The following PPP2R2C variants were observed in gnomAD, a reference collection of about 807,000 sequenced individuals.
PPP2R2C encodes the protein protein phosphatase 2 regulatory subunit Bgamma, also known as protein phosphatase 2, regulatory subunit B, gamma.
PPP2R2C carries 10 observed loss-of-function variants against 45.3 expected under a neutral mutation model. That is an observed-to-expected ratio of 0.22 (90% CI 0.14 to 0.37). PPP2R2C has a LOEUF of 0.37. PPP2R2C is among the 10% of genes least tolerant of loss of function. The probability of loss-of-function intolerance (pLI) is 1.00; values close to 1 mark genes in which losing one functional copy is unlikely to be tolerated. For missense variants in PPP2R2C, 308 were observed against 619.7 expected (o/e 0.50, Z 5.34); for synonymous variants, 257 against 245.4 (o/e 1.05, Z -0.44).
At chr4:6,410,208 T>C (rs771855791) in intron 1 of PPP2R2C, among the ~76,000 whole-genome samples, 2 of 152,202 alleles carry the variant, frequency 1.3e-5, no homozygotes, top group Non-Finnish European at 2.9e-5. Flanking sequence ...GCTGTGATTA[T>C]ACCAGGCTCG....
intron 1 of PPP2R2C, among the ~76,000 whole-genome samples, chr4:6,403,011 C>T (rs1168257187): frequency 6.6e-6 from 1 of 152,212 alleles, no homozygotes; most frequent in Non-Finnish European, 1.5e-5. Flanking sequence ...CTCACACCTT[C>T]AAAGATCAGC....
intron 1 of PPP2R2C, among the ~76,000 whole-genome samples, chr4:6,454,139 G>T (rs1027425441): frequency 6.6e-6 from 1 of 152,186 alleles, no homozygotes; most frequent in Non-Finnish European, 1.5e-5. Context: ...CAGGAGCGGG[G>T]CAGTGGCTCC....
intron 4 of PPP2R2C, among the ~76,000 whole-genome samples, chr4:6,373,050 G>T (rs1046620049): frequency 1.3e-5 from 2 of 152,214 alleles, no homozygotes; most frequent in Non-Finnish European, 2.9e-5. Flanking sequence ...CTGTCACTGG[G>T]AAACAGCTGT....
intron 1 of PPP2R2C, among the ~76,000 whole-genome samples, chr4:6,425,495 C>A (rs939387097): frequency 6.6e-6 from 1 of 152,218 alleles, no homozygotes; most frequent in Non-Finnish European, 1.5e-5. Context: ...GTGTCCCCAC[C>A]AGCACGAGCT....
intron 1 of PPP2R2C, among the ~76,000 whole-genome samples, chr4:6,451,789 C>T (rs1028113634): frequency 6.6e-6 from 1 of 152,064 alleles, no homozygotes; most frequent in African/African-American, 2.4e-5. Context: ...TGTCTGGGGC[C>T]CAATAAATGA....
chr4:6,472,037 G>T, intron 1 of PPP2R2C, 123 bp downstream of exon 1: 1 of 1,194,044 alleles, frequency 8.4e-7, no homozygotes, highest in Non-Finnish European at 1.2e-6. Context: ...GGATGGGGTG[G>T]GGTGGGGTGG....
At chr4:6,410,884 T>A (rs887915158) in intron 1 of PPP2R2C, among the ~76,000 whole-genome samples, 9 of 121,840 alleles carry the variant, frequency 7.4e-5, no homozygotes, top group African/African-American at 2.3e-4. Context: ...TTTATTTATT[T>A]ATTAGACAGA....
In PPP2R2C at chr4:6,329,272, C is replaced by G; in HGVS notation, c.1042G>C (p.Gly348Arg). The change falls in exon 8 of 9, where the codon GGG becomes CGG. Residue 348 changes from glycine (G) to arginine (R), a missense_variant. Gly to Arg is a moderately radical substitution (Grantham distance 125). Coordinates refer to ENST00000382599, the MANE Select transcript of PPP2R2C (RefSeq NM_020416.4). The surrounding 1 kb of genome is among the most constrained non-coding windows in gnomAD (Gnocchi z 5.8). Reference sequence around the variant, plus strand: ...GAGGTCAGGGCTTACCTGTCGCTCCCGTTCCAGGCACATTCAAACTTGTCG... The same window carrying G: ...GAGGTCAGGGCTTACCTGTCGCTCCGGTTCCAGGCACATTCAAACTTGTCG... ...IFDKFECAWNGSDSVIMTGAY... is the reference protein window; with the variant it reads ...IFDKFECAWNRSDSVIMTGAY... 1 of 1,614,048 alleles carries G rather than the reference C, an allele frequency of 6.2e-7. No individual in the cohort carries two copies. The highest frequency in any genetic ancestry group is 8.5e-7 in the Non-Finnish European group (1 of 1,179,916).
At chr4:6,414,840 T>C (rs369820946) in intron 1 of PPP2R2C, among the ~76,000 whole-genome samples, 2 of 152,120 alleles carry the variant, frequency 1.3e-5, no homozygotes, top group East Asian at 3.9e-4. Flanking sequence ...AGGGGCCTCA[T>C]CTGAAAGCCC....
intron 5 of PPP2R2C, chr4:6,348,962 T>G: frequency 1.0e-6 from 1 of 960,972 alleles, no homozygotes; most frequent in Non-Finnish European, 1.2e-6. Context: ...GAGCAACTCG[T>G]CCGGGGTGGC....
At chr4:6,341,416 A>G (rs1463415001) in intron 6 of PPP2R2C, among the ~76,000 whole-genome samples, 3 of 152,000 alleles carry the variant, frequency 2.0e-5, no homozygotes, top group African/African-American at 7.2e-5. Flanking sequence ...TGTGATGAGA[A>G]AGGGAAAAAG....
chr4:6,347,745 T>C (rs1712128620), intron 6 of PPP2R2C, 101 bp downstream of exon 6: 2 of 1,423,674 alleles, frequency 1.4e-6, no homozygotes, highest in African/African-American at 2.8e-5. Flanking sequence ...GACATGCTCA[T>C]CCCACACCCA....
intron 2 of PPP2R2C, among the ~76,000 whole-genome samples, chr4:6,489,137 T>C (rs1408420391): frequency 6.6e-6 from 1 of 152,094 alleles, no homozygotes; most frequent in Non-Finnish European, 1.5e-5. Context: ...GTGGGCAACC[T>C]CTCCCTGCAA....
chr4:6,352,522 C>T (rs1712666459), intron 5 of PPP2R2C, among the ~76,000 whole-genome samples: 1 of 152,204 alleles, frequency 6.6e-6, no homozygotes, highest in Non-Finnish European at 1.5e-5. Flanking sequence ...TTCTGTTTTC[C>T]CATCTAATTC....
chr4:6,453,123 C>T (rs1437267675), intron 1 of PPP2R2C, among the ~76,000 whole-genome samples: 1 of 152,192 alleles, frequency 6.6e-6, no homozygotes, highest in Non-Finnish European at 1.5e-5. Flanking sequence ...TCCTGAGCAT[C>T]GGATACACCT....
At chr4:6,402,576 C>G (rs973835707) in intron 1 of PPP2R2C, among the ~76,000 whole-genome samples, 1 of 152,186 alleles carries the variant, frequency 6.6e-6, no homozygotes, top group African/African-American at 2.4e-5. Context: ...TGGGACCGCG[C>G]TAGGCCAGGA....
chr4:6,467,848 T>A (rs1721668553), intron 1 of PPP2R2C, among the ~76,000 whole-genome samples: 1 of 152,142 alleles, frequency 6.6e-6, no homozygotes. Context: ...GGTGGTGGCC[T>A]AAGACTTGCT....
chr4:6,375,328 T>G (rs923301604), intron 4 of PPP2R2C, among the ~76,000 whole-genome samples: 3 of 152,186 alleles, frequency 2.0e-5, no homozygotes, highest in Admixed American at 2.0e-4. Flanking sequence ...GTGTGTCTGT[T>G]TCAGGGTATG....
intron 1 of PPP2R2C, among the ~76,000 whole-genome samples, chr4:6,459,299 C>A (rs1721200936): frequency 6.6e-6 from 1 of 152,114 alleles, no homozygotes; most frequent in African/African-American, 2.4e-5. Context: ...TGCCTCTCCA[C>A]AAACTGCTTG....
Sources: allele counts gnomAD v4.1 joint callset (sites outside exome capture counted in the v4.1 genomes callset), GRCh38; gene constraint gnomAD v4.1.1; non-coding constraint Gnocchi (gnomAD v3.1); transcripts MANE v1.5; gene names NCBI Gene and HGNC (gene_info 2026-07-23, HGNC 2026-07-21).